The following TENM3 variants were observed in gnomAD, a reference collection of about 807,000 sequenced individuals.
TENM3 encodes the protein teneurin transmembrane protein 3.
TENM3 carries 63 observed loss-of-function variants against 255.1 expected under a neutral mutation model. The observed-to-expected ratio is 0.25, with a 90% CI of 0.20 to 0.30. TENM3 has a LOEUF of 0.30. Ranked by LOEUF, TENM3 falls within the 10% of genes least tolerant of loss-of-function variation. The pLI is 1.00. For missense variants in TENM3, 2,929 were observed against 3,461.1 expected, an observed-to-expected ratio of 0.85 and a Z score of 3.86; for synonymous variants, 1,306 against 1,322.3, an observed-to-expected ratio of 0.99 and a Z score of 0.27.
the TENM3 span, among the ~76,000 whole-genome samples, chr4:181,512,732 A>G: frequency 6.6e-6 from 1 of 152,206 alleles, no homozygotes; most frequent in Admixed American, 6.5e-5. Context: ...ATAGGAAACA[A>G]CCAAACATAA....
At chr4:182,675,497 G>A (rs1392307248) in intron 7 of TENM3, among the ~76,000 whole-genome samples, 4 of 151,562 alleles carry the variant, frequency 2.6e-5, no homozygotes, top group African/African-American at 4.9e-5. Flanking sequence ...GTGAGAGATC[G>A]TGACATTGCA....
intron 2 of TENM3, among the ~76,000 whole-genome samples, chr4:182,337,772 G>T (rs1392761110): frequency 6.6e-6 from 1 of 152,164 alleles, no homozygotes; most frequent in Non-Finnish European, 1.5e-5. Flanking sequence ...TATAACAATT[G>T]TATGTTAATA....
chr4:182,730,283 C>T lies in TENM3; in HGVS notation c.2669C>T (p.Pro890Leu), dbSNP rs1037445796. 36 of 1,613,658 alleles carry T rather than the reference C, an allele frequency of 2.2e-5. No individual in the cohort carries two copies. Among genetic ancestry groups the T allele is most frequent in the Non-Finnish European group, 2.8e-5 (33 of 1,179,796 alleles). ...IGVNVSFFHY[P>L]EYGYTITRQD... is the part of the protein sequence containing the mutation. ...GTAAATGTCTCGTTTTTCCATTACC[C>T]AGAATATGGATATACTATTACCCGC... The change falls in exon 15 of 28, where the codon CCA becomes CTA. Residue 890 changes from proline to leucine, a missense_variant. Around this residue, in one of 6 missense-constraint regions of TENM3, gnomAD observed 1,608 missense variants for 1,884.4 expected, o/e 0.85. Transcript: ENST00000511685.
intron 1 of TENM3, among the ~76,000 whole-genome samples, chr4:182,181,477 C>T (rs922660790): frequency 1.3e-5 from 2 of 152,184 alleles, no homozygotes; most frequent in Non-Finnish European, 2.9e-5. Flanking sequence ...CAAAACCAAA[C>T]ACCTAATATG....
chr4:182,633,025 G>T (rs943141726), intron 5 of TENM3, among the ~76,000 whole-genome samples: 1 of 152,070 alleles, frequency 6.6e-6, no homozygotes, highest in Admixed American at 6.6e-5. Context: ...TGCCTCCTGG[G>T]CTCAAGTGAT....
intron 1 of TENM3, among the ~76,000 whole-genome samples, chr4:182,273,669 G>C: frequency 6.6e-6 from 1 of 152,144 alleles, no homozygotes. Context: ...AACAATTAAA[G>C]AAAAATCAGG....
chr4:182,691,987 T>C (rs1757044035), intron 12 of TENM3, among the ~76,000 whole-genome samples: 1 of 144,474 alleles, frequency 6.9e-6, no homozygotes. Context: ...GCCACTGTTT[T>C]TCATGGGTAG....
the TENM3 span, among the ~76,000 whole-genome samples, chr4:181,794,368 G>A: frequency 1.3e-5 from 2 of 151,832 alleles, no homozygotes; most frequent in Non-Finnish European, 2.9e-5. Flanking sequence ...TAGTCACCAC[G>A]CTGTGCATTA....
intron 18 of TENM3, among the ~76,000 whole-genome samples, chr4:182,740,327 C>T (rs1306946293): frequency 6.6e-6 from 1 of 152,218 alleles, no homozygotes; most frequent in Non-Finnish European, 1.5e-5. Flanking sequence ...CTCAGAGCCT[C>T]TCTTAACTCA....
chr4:181,993,596 A>G, the TENM3 span, among the ~76,000 whole-genome samples: 9 of 152,164 alleles, frequency 5.9e-5, no homozygotes, highest in African/African-American at 2.2e-4. Context: ...AAGAATTACC[A>G]TGAATCTATG....
At chr4:181,819,400 A>G in the TENM3 span, among the ~76,000 whole-genome samples, 1 of 152,214 alleles carries the variant, frequency 6.6e-6, no homozygotes, top group Non-Finnish European at 1.5e-5. Flanking sequence ...CACCCCTGGA[A>G]AGGGAGAAAG....
intron 5 of TENM3, among the ~76,000 whole-genome samples, chr4:182,644,237 G>A (rs1752552785): frequency 6.6e-6 from 1 of 152,132 alleles, no homozygotes; most frequent in East Asian, 1.9e-4. Flanking sequence ...TCCATTTTTG[G>A]CAGGATCTGG....
chr4:181,852,569 T>C, the TENM3 span, among the ~76,000 whole-genome samples: 6 of 152,234 alleles, frequency 3.9e-5, no homozygotes, highest in Non-Finnish European at 7.3e-5. Context: ...TGGAAGCACT[T>C]GTAATACATA....
the TENM3 span, among the ~76,000 whole-genome samples, chr4:182,072,877 C>T: frequency 6.6e-6 from 1 of 152,158 alleles, no homozygotes; most frequent in Non-Finnish European, 1.5e-5. Context: ...TAACCCCCAA[C>T]ATGACAGTAT....
chr4:182,369,656 C>T (rs138885722), intron 3 of TENM3, among the ~76,000 whole-genome samples: 3,772 of 152,100 alleles, frequency 0.025, 106 homozygotes, highest in African/African-American at 0.061. Context: ...TGAGGCAGGC[C>T]GATCACCTGA....
chr4:181,507,674 T>C, the TENM3 span, among the ~76,000 whole-genome samples: 2 of 152,240 alleles, frequency 1.3e-5, no homozygotes, highest in African/African-American at 2.4e-5. Context: ...GCGTGATTAC[T>C]GCTTTACAGC....
chr4:181,792,182 C>T, the TENM3 span, among the ~76,000 whole-genome samples: 8 of 152,246 alleles, frequency 5.3e-5, no homozygotes, highest in Middle Eastern at 3.4e-3. Context: ...AACAATACAG[C>T]GTGATTTTTC....
chr4:181,734,048 T>C, the TENM3 span, among the ~76,000 whole-genome samples: 5 of 152,202 alleles, frequency 3.3e-5, no homozygotes. Context: ...TTTCCTTTTA[T>C]ACTGAATGCC....
At chr4:181,751,229 G>T in the TENM3 span, among the ~76,000 whole-genome samples, 311 of 152,084 alleles carry the variant, frequency 2.0e-3, 2 homozygotes, top group Non-Finnish European at 3.2e-3. Context: ...GCGGGGTTAG[G>T]GTTAATTTAG....
Sources: gnomAD v4.1 joint callset for allele counts (sites outside exome capture counted in the v4.1 genomes callset) on GRCh38, gnomAD v4.1.1 for gene constraint, gnomAD v4.1.1 regional missense constraint, MANE v1.5 for transcripts, NCBI Gene and HGNC (gene_info 2026-07-23, HGNC 2026-07-21) for gene names.